The following PSD3 variants were observed in gnomAD, a reference collection of about 807,000 sequenced individuals.
PSD3 encodes pleckstrin and Sec7 domain containing 3, also known as PH and SEC7 domain-containing protein 3.
PSD3 carries 49 observed loss-of-function variants against 105.5 expected under a neutral mutation model. The observed-to-expected ratio is 0.46, with a 90% CI of 0.37 to 0.59. The LOEUF is 0.59. PSD3 is among the 20% of genes least tolerant of loss of function. The pLI is 0.00. For missense variants in PSD3, 1,561 were observed against 1,263.8 expected (o/e 1.24, Z -3.57); for synonymous variants, 557 against 457.8 (o/e 1.22, Z -2.77).
chr8:19,070,366 G>A lies in PSD3; in HGVS notation c.324+13840C>T, dbSNP rs1219918855. Among the ~76,000 whole-genome samples, 7 of 45,578 alleles carry A rather than the reference G, an allele frequency of 1.5e-4. 1 individual carries two copies. Among genetic ancestry groups the A allele is most frequent in the Non-Finnish European group, 3.3e-4 (6 of 18,204 alleles). The allele number at this position is 45,578 out of a possible 152,430, so 29.9% of individuals were successfully genotyped here. On this transcript the variant is annotated intron_variant, in intron 1 of 1. Transcript: ENST00000521475. ...TTACACTATTGTATTAGTATGTCAT[G>A]TGCAAAAAAAAAAAAAAAACCCACA...
chr8:19,008,614 A>G (rs1468990771), intron 1 of PSD3, among the ~76,000 whole-genome samples: 1 of 152,236 alleles, frequency 6.6e-6, no homozygotes, highest in Non-Finnish European at 1.5e-5. Context: ...TACAGAGAAA[A>G]GCAGTTCCAC....
At chr8:18,968,704 G>A (rs1043601170) in intron 1 of PSD3, among the ~76,000 whole-genome samples, 3 of 151,854 alleles carry the variant, frequency 2.0e-5, no homozygotes, top group African/African-American at 7.3e-5. Flanking sequence ...GTGAAACCCC[G>A]TCTCTAATAA....
chr8:19,000,957 T>C (rs551856493), intron 1 of PSD3: 2 of 152,056 alleles, frequency 1.3e-5, no homozygotes, highest in Admixed American at 6.5e-5. Context: ...GGATTGGTCA[T>C]AGATTTGGGG....
intron 1 of PSD3, among the ~76,000 whole-genome samples, chr8:19,003,017 T>C (rs1217424820): frequency 6.6e-6 from 1 of 152,070 alleles, no homozygotes; most frequent in African/African-American, 2.4e-5. Context: ...ACTTACTGTC[T>C]TTCCAAAACT....
intron 14 of PSD3, among the ~76,000 whole-genome samples, chr8:18,559,399 G>T (rs1016320164): frequency 2.0e-5 from 3 of 152,092 alleles, no homozygotes; most frequent in South Asian, 4.2e-4. Flanking sequence ...AGGTTTACTG[G>T]GTTTCCTCTT....
At chr8:19,034,434 G>C (rs1252194466) in intron 1 of PSD3, among the ~76,000 whole-genome samples, 1 of 152,112 alleles carries the variant, frequency 6.6e-6, no homozygotes, top group African/African-American at 2.4e-5. Flanking sequence ...TTTTTAACAG[G>C]TGGTCATCCA....
At chr8:19,035,773 G>T (rs911228863) in intron 1 of PSD3, among the ~76,000 whole-genome samples, 3 of 151,704 alleles carry the variant, frequency 2.0e-5, no homozygotes, top group Non-Finnish European at 4.4e-5. Context: ...GGGTGTGGGG[G>T]TGACTGGATT....
At chr8:18,910,933 A>G (rs1225537323) in intron 2 of PSD3, among the ~76,000 whole-genome samples, 1 of 138,666 alleles carries the variant, frequency 7.2e-6, no homozygotes, top group Non-Finnish European at 1.7e-5. Flanking sequence ...CATAAAATTC[A>G]AAAAAATAAA....
At chr8:19,030,291 A>C (rs1827720079) in intron 1 of PSD3, among the ~76,000 whole-genome samples, 1 of 152,134 alleles carries the variant, frequency 6.6e-6, no homozygotes, top group Non-Finnish European at 1.5e-5. Context: ...TCAAATGTTA[A>C]ACCAAATTTA....
intron 4 of PSD3, among the ~76,000 whole-genome samples, chr8:18,823,780 T>TCACACA (rs3042864): frequency 1.2e-4 from 8 of 66,116 alleles, no homozygotes; most frequent in Non-Finnish European, 2.0e-4. Flanking sequence ...TTAAACACAC[T>TCACACA]CACACACACA....
intron 4 of PSD3, among the ~76,000 whole-genome samples, chr8:18,833,565 G>A (rs1813855098): frequency 6.6e-6 from 1 of 152,330 alleles, no homozygotes; most frequent in Non-Finnish European, 1.5e-5. Flanking sequence ...AGACAAGCCA[G>A]TGGAGAAAAT....
intron 4 of PSD3, among the ~76,000 whole-genome samples, chr8:18,831,262 G>A (rs1813659344): frequency 1.3e-5 from 2 of 152,208 alleles, no homozygotes; most frequent in Non-Finnish European, 1.5e-5. Context: ...ACACCCTTCT[G>A]CAGCTCTAGA....
At chr8:18,579,432 C>T (rs1802668947) in intron 12 of PSD3, among the ~76,000 whole-genome samples, 1 of 152,102 alleles carries the variant, frequency 6.6e-6, no homozygotes, top group Non-Finnish European at 1.5e-5. Flanking sequence ...TATCCATTTT[C>T]TCAAATAAAT....
chr8:19,058,812 C>A (rs1017071686), intron 1 of PSD3, among the ~76,000 whole-genome samples: 1 of 152,126 alleles, frequency 6.6e-6, no homozygotes, highest in Non-Finnish European at 1.5e-5. Flanking sequence ...GGAGCCATCA[C>A]GTGGAGCACC....
intron 1 of PSD3, among the ~76,000 whole-genome samples, chr8:19,056,213 A>G (rs920731086): frequency 3.9e-5 from 6 of 152,232 alleles, no homozygotes; most frequent in African/African-American, 1.4e-4. Context: ...AGAATCTATA[A>G]CTTAAAAAAT....
chr8:18,984,661 T>C (rs998853565), intron 1 of PSD3, among the ~76,000 whole-genome samples: 2 of 152,220 alleles, frequency 1.3e-5, no homozygotes, highest in African/African-American at 2.4e-5. Flanking sequence ...AATTCCTTAA[T>C]TGTAGCTACA....
chr8:18,853,867 C>T (rs1460315501), intron 4 of PSD3, among the ~76,000 whole-genome samples: 1 of 152,182 alleles, frequency 6.6e-6, no homozygotes, highest in African/African-American at 2.4e-5. Flanking sequence ...AGGGAAAAAT[C>T]TCATTTTGCC....
At position 18,655,693 on chromosome 8, in the gene PSD3, G is replaced by C. The variant is rs765820700; in HGVS notation, c.2173-8C>G. 2 of 1,610,760 alleles carry C rather than the reference G, an allele frequency of 1.2e-6. No individual in the cohort carries two copies. Among genetic ancestry groups the C allele is most frequent in the Non-Finnish European group, 1.7e-6 (2 of 1,177,128 alleles). ...GATTGAGTTGTACAGAGCCTGTAAAGAGAGAAAATGAGATCACATTATTCT... is the reference window on the plus strand; with the variant it reads ...GATTGAGTTGTACAGAGCCTGTAAACAGAGAAAATGAGATCACATTATTCT... On this transcript the variant is annotated splice_polypyrimidine_tract_variant and splice_region_variant and intron_variant, in intron 9 of 15. Coordinates refer to ENST00000327040, the MANE Select transcript of PSD3 (RefSeq NM_015310.4).
At chr8:18,663,510 T>C (rs554222041) in intron 9 of PSD3, among the ~76,000 whole-genome samples, 1 of 152,330 alleles carries the variant, frequency 6.6e-6, no homozygotes, top group East Asian at 1.9e-4. Context: ...CTTCAAAGTT[T>C]TACTAATGTG....
Sources: allele counts gnomAD v4.1 joint callset (sites outside exome capture counted in the v4.1 genomes callset), GRCh38; gene constraint gnomAD v4.1.1; transcripts MANE v1.5; gene names NCBI Gene and HGNC (gene_info 2026-07-23, HGNC 2026-07-21).